The following CAB39 variants were observed in gnomAD, a reference collection of about 807,000 sequenced individuals.
CAB39 encodes the protein calcium-binding protein 39.
A neutral mutation model predicts 40.0 loss-of-function variants in CAB39; 8 were observed. The observed-to-expected ratio is 0.20, with a 90% CI of 0.12 to 0.36. The LOEUF (loss-of-function observed/expected upper bound fraction) is 0.36, where lower values mean the gene tolerates loss of function less well. Ranked by LOEUF, CAB39 falls within the 10% of genes least tolerant of loss-of-function variation. The probability of loss-of-function intolerance (pLI) is 1.00; values close to 1 mark genes in which losing one functional copy is unlikely to be tolerated. For missense variants in CAB39, 270 were observed against 401.1 expected (o/e 0.67, Z 2.79); for synonymous variants, 156 against 141.6 (o/e 1.10, Z -0.72).
chr2:230,747,545 T>C (rs369763391), intron 1 of CAB39, among the ~76,000 whole-genome samples: 2 of 152,238 alleles, frequency 1.3e-5, no homozygotes, highest in African/African-American at 4.8e-5. Flanking sequence ...GAAAAGGTAG[T>C]GTTTATGTCT....
At chr2:230,756,902 A>C (rs1216309371) in intron 1 of CAB39, among the ~76,000 whole-genome samples, 1 of 152,188 alleles carries the variant, frequency 6.6e-6, no homozygotes, top group Non-Finnish European at 1.5e-5. Flanking sequence ...CATGTTGGTC[A>C]GGCTGGCCTG....
At chr2:230,745,920 G>A (rs970604033) in intron 1 of CAB39, among the ~76,000 whole-genome samples, 5 of 151,996 alleles carry the variant, frequency 3.3e-5, no homozygotes, top group African/African-American at 9.7e-5. Flanking sequence ...CACCGCGCCT[G>A]GCCAAAATCT....
intron 5 of CAB39, among the ~76,000 whole-genome samples, chr2:230,807,113 GAC>G (rs1001577199): frequency 9.9e-5 from 15 of 152,244 alleles, no homozygotes; most frequent in African/African-American, 3.6e-4. Flanking sequence ...TCTGCTGACT[GAC>G]CTAGCAACTC....
At chr2:230,766,638 C>T (rs1051460443) in intron 2 of CAB39, among the ~76,000 whole-genome samples, 3 of 152,238 alleles carry the variant, frequency 2.0e-5, no homozygotes, top group African/African-American at 7.2e-5. Flanking sequence ...CGGGCTCAAT[C>T]AGTCCTCAGC....
intron 4 of CAB39, among the ~76,000 whole-genome samples, chr2:230,795,243 T>C (rs1402214236): frequency 6.6e-6 from 1 of 151,640 alleles, no homozygotes; most frequent in Non-Finnish European, 1.5e-5. Flanking sequence ...GCCACTGCAC[T>C]TTAGCCTGGG....
chr2:230,723,461 C>T (rs1353178115), intron 1 of CAB39, among the ~76,000 whole-genome samples: 2 of 152,180 alleles, frequency 1.3e-5, no homozygotes, highest in Non-Finnish European at 2.9e-5. Context: ...CTTGCCACAT[C>T]AGAGAAATCT....
intron 2 of CAB39, among the ~76,000 whole-genome samples, chr2:230,782,664 C>CA (rs1695707789): frequency 6.6e-6 from 1 of 152,208 alleles, no homozygotes; most frequent in South Asian, 2.1e-4. Context: ...CAAGGCAAAT[C>CA]ACAACCAAAC....
chr2:230,740,723 T>C (rs981742487), intron 1 of CAB39, among the ~76,000 whole-genome samples: 12 of 152,154 alleles, frequency 7.9e-5, no homozygotes, highest in Admixed American at 5.9e-4. Flanking sequence ...GATCTGACAG[T>C]AGGCAGAGCT....
intron 2 of CAB39, among the ~76,000 whole-genome samples, chr2:230,779,792 G>A (rs993932377): frequency 1.3e-5 from 2 of 152,232 alleles, no homozygotes; most frequent in African/African-American, 4.8e-5. Flanking sequence ...TAAGGTCACA[G>A]CTGCTGTAGG....
intron 1 of CAB39, chr2:230,725,074 A>G (rs992769773): frequency 5.2e-6 from 8 of 1,531,844 alleles, no homozygotes; most frequent in African/African-American, 4.1e-5. Flanking sequence ...CGTAGAGGAC[A>G]GGGGAGGAGT....
Position 230,731,113 on chromosome 2 carries a change from A to C in CAB39, c.-44+17883A>C, listed in dbSNP as rs149683707. On this transcript the variant is annotated intron_variant, in intron 1 of 8. Coordinates refer to ENST00000258418, the MANE Select transcript of CAB39 (RefSeq NM_016289.4). ...GATAAGAGATGGTCTTAATCCTTAA[A>C]GCATGCTGCCTTTCAAGCAAGTTAA... is the stretch of plus-strand genomic sequence containing the variant. Among the ~76,000 whole-genome samples, 84 of 152,364 alleles carry C rather than the reference A, an allele frequency of 5.5e-4. No homozygotes were observed. In the East Asian group the frequency reaches 0.015, roughly 28 times the overall value.
chr2:230,755,511 T>G (rs1695173276), intron 1 of CAB39, among the ~76,000 whole-genome samples: 1 of 152,228 alleles, frequency 6.6e-6, no homozygotes, highest in African/African-American at 2.4e-5. Flanking sequence ...CTTACTGATT[T>G]GTTTGAGTTT....
intron 1 of CAB39, among the ~76,000 whole-genome samples, chr2:230,741,157 A>T (rs1050981316): frequency 6.6e-6 from 1 of 152,218 alleles, no homozygotes. Flanking sequence ...GATAAATTTT[A>T]TAGGAATTTG....
chr2:230,810,901 C>T (rs969628932), intron 6 of CAB39, among the ~76,000 whole-genome samples: 1 of 152,188 alleles, frequency 6.6e-6, no homozygotes, highest in Non-Finnish European at 1.5e-5. Context: ...AATAGTGTCC[C>T]CCAGAGATTT....
At chr2:230,759,503 T>A (rs1314930141) in intron 1 of CAB39, among the ~76,000 whole-genome samples, 1 of 152,230 alleles carries the variant, frequency 6.6e-6, no homozygotes, top group African/African-American at 2.4e-5. Flanking sequence ...TCTGAGCTTG[T>A]TTGACCACTT....
At chr2:230,740,771 C>CT (rs1259622088) in intron 1 of CAB39, among the ~76,000 whole-genome samples, 1 of 152,208 alleles carries the variant, frequency 6.6e-6, no homozygotes, top group Non-Finnish European at 1.5e-5. Context: ...CTCACCTCCT[C>CT]TGTTACTAGC....
intron 8 of CAB39, 186 bp downstream of exon 8, chr2:230,818,083 G>A: frequency 1.7e-6 from 1 of 572,976 alleles, no homozygotes; most frequent in Non-Finnish European, 3.0e-6. Flanking sequence ...GTTACTGTTT[G>A]GATCTGGGAA....
At chr2:230,812,500 T>C (rs1402339910) in intron 6 of CAB39, among the ~76,000 whole-genome samples, 1 of 152,224 alleles carries the variant, frequency 6.6e-6, no homozygotes, top group Non-Finnish European at 1.5e-5. Flanking sequence ...GCAACCAAGC[T>C]TATCCAAAGA....
rs78181193 is a variant in CAB39 at position 230,737,622 on chromosome 2, A to G, written c.-43-22337A>G. Among the ~76,000 whole-genome samples, 877 of 152,316 alleles carry G rather than the reference A, an allele frequency of 5.8e-3. 8 individuals are homozygous for G. The highest frequency in any genetic ancestry group is 0.02 in the African/African-American group (833 of 41,560). ...CCTCACATTAACTTGTGTTAGTAAT[A>G]TTCTTCTGCCAAAATAGTAAAGGAA... On this transcript the variant is annotated intron_variant, in intron 1 of 8. Coordinates refer to ENST00000258418, the MANE Select transcript of CAB39 (RefSeq NM_016289.4).
Sources: allele counts gnomAD v4.1 joint callset (sites outside exome capture counted in the v4.1 genomes callset), GRCh38; gene constraint gnomAD v4.1.1; transcripts MANE v1.5; gene names NCBI Gene and HGNC (gene_info 2026-07-23, HGNC 2026-07-21).